CELF1: variants seen among roughly 807,000 people sequenced by gnomAD.
CELF1 encodes CUGBP Elav-like family member 1.
In CELF1, 10 loss-of-function variants were observed where a neutral mutation model predicts 61.8. That is an observed-to-expected ratio of 0.16 (90% confidence interval 0.10 to 0.27). CELF1 has a LOEUF of 0.27. Ranked by LOEUF, CELF1 falls within the 10% of genes least tolerant of loss-of-function variation. The probability of loss-of-function intolerance (pLI) is 1.00; values close to 1 mark genes in which losing one functional copy is unlikely to be tolerated. For synonymous variants in CELF1, 236 were observed against 225.1 expected (o/e 1.05, Z -0.43); for missense variants, 380 against 639.1 (o/e 0.59, Z 4.37).
chr11:47,528,898 A>G (rs958830406), intron 1 of CELF1, among the ~76,000 whole-genome samples: 10 of 151,624 alleles, frequency 6.6e-5, no homozygotes, highest in African/African-American at 1.9e-4. Context: ...CTCAAAAAAA[A>G]AAAGAAAGGT....
chr11:47,501,131 C>T (rs904076298), intron 1 of CELF1, among the ~76,000 whole-genome samples, 199 bp from the exon 2 acceptor site: 10 of 152,242 alleles, frequency 6.6e-5, no homozygotes, highest in Non-Finnish European at 1.2e-4. Context: ...AAATCTAGAA[C>T]TGTACTGTAA....
chr11:47,494,398 C>G (rs1345025580), intron 3 of CELF1: 1 of 984,344 alleles, frequency 1.0e-6, no homozygotes, highest in Non-Finnish European at 1.2e-6. Flanking sequence ...TATGAAAATT[C>G]AGGACAAGAG....
At chr11:47,483,317 TG>T in intron 8 of CELF1, 135 bp downstream of exon 8, 1 of 693,420 alleles carries the variant, frequency 1.4e-6, no homozygotes, top group Middle Eastern at 3.8e-4. Context: ...AAGAAATCAG[TG>T]GTTTTTAACT....
intron 1 of CELF1, among the ~76,000 whole-genome samples, chr11:47,546,086 A>G (rs2096938522): frequency 6.6e-6 from 1 of 150,498 alleles, no homozygotes; most frequent in Non-Finnish European, 1.5e-5. Context: ...AATTTTTTGT[A>G]TTTTTAGTAG....
At chr11:47,501,066 T>A in intron 1 of CELF1, 134 bp from the exon 2 acceptor site, 1 of 395,472 alleles carries the variant, frequency 2.5e-6, no homozygotes. Context: ...TGTCTGCACC[T>A]GACCCAGGAA....
chr11:47,515,121 T>C (rs921747179), intron 1 of CELF1, among the ~76,000 whole-genome samples: 1 of 152,216 alleles, frequency 6.6e-6, no homozygotes, highest in Admixed American at 6.5e-5. Context: ...AATGCACAGC[T>C]TTCTCTGGGC....
In CELF1 at chr11:47,522,076, G is replaced by A. The variant is rs2095936300; in HGVS notation, c.-153-21144C>T. Among the ~76,000 whole-genome samples the A allele has an allele frequency of 1.3e-5, 2 of 151,998 alleles. 1 individual carries two copies. The highest frequency in any genetic ancestry group is 4.1e-4 in the South Asian group (2 of 4,822). On this transcript the variant is annotated intron_variant, in intron 1 of 14. Transcript: ENST00000687097. Reference sequence around the variant, plus strand: ...CTGGCATGTGCCACCAAGCCTGGCTGATTTTTTTGTATTTTTAGTAGACAC... The same window carrying A: ...CTGGCATGTGCCACCAAGCCTGGCTAATTTTTTTGTATTTTTAGTAGACAC...
intron 1 of CELF1, among the ~76,000 whole-genome samples, chr11:47,520,896 C>T (rs1309861241): frequency 6.6e-6 from 1 of 152,156 alleles, no homozygotes; most frequent in Non-Finnish European, 1.5e-5. Context: ...TGGAGATAAA[C>T]TAGTAATTTT....
chr11:47,551,480 A>C (rs1260412070), intron 1 of CELF1, among the ~76,000 whole-genome samples: 1 of 152,224 alleles, frequency 6.6e-6, no homozygotes, highest in Admixed American at 6.5e-5. Flanking sequence ...GAAGAAAATC[A>C]CTGTAGCAAC....
rs997818513 is a variant in CELF1 at position 47,470,611 on chromosome 11, A to G, written c.*1619T>C. 6.6e-6 allele frequency: 1 copy of G among 152,260 alleles called. No homozygotes were observed. The highest frequency in any genetic ancestry group is 2.4e-5 in the African/African-American group (1 of 41,456). 9.4% of individuals were successfully genotyped at this position (152,260 alleles called of 1,614,324 possible). Reference sequence around the variant, plus strand: ...CTGTTACCCACAGGGACAGCATGACAAGGAGAGAGCCCCCATCTGACTTAA... The same window carrying G: ...CTGTTACCCACAGGGACAGCATGACGAGGAGAGAGCCCCCATCTGACTTAA... On this transcript the variant is annotated 3_prime_UTR_variant, in exon 15 of 15. Coordinates refer to ENST00000687097, the MANE Select transcript of CELF1 (RefSeq NM_001376376.1).
rs770272288 is a variant in CELF1, at chr11:47,468,440, G to C, written c.*3790C>G. 1 of 152,596 alleles carries C rather than the reference G, an allele frequency of 6.6e-6. No homozygotes were observed. The highest frequency in any genetic ancestry group is 2.1e-4 in the South Asian group (1 of 4,826). 9.5% of individuals were successfully genotyped at this position (152,596 alleles called of 1,614,324 possible). ...TTATTTCATTGTTTACTTCAAAGTTGTCTTTAAAACTAAGCACACAGAGAA... is the reference window on the plus strand; with the variant it reads ...TTATTTCATTGTTTACTTCAAAGTTCTCTTTAAAACTAAGCACACAGAGAA... On this transcript the variant is annotated 3_prime_UTR_variant, in exon 15 of 15. Transcript: ENST00000687097.
chr11:47,545,572 G>A (rs891164304), intron 1 of CELF1, among the ~76,000 whole-genome samples: 3 of 152,128 alleles, frequency 2.0e-5, no homozygotes, highest in Admixed American at 6.6e-5. Flanking sequence ...AGCATTAAGA[G>A]GTTAATAACA....
intron 1 of CELF1, among the ~76,000 whole-genome samples, chr11:47,539,811 C>G (rs771180152): frequency 2.0e-5 from 3 of 152,198 alleles, no homozygotes; most frequent in Non-Finnish European, 2.9e-5. Flanking sequence ...CATTTCTCAT[C>G]TATGCTTCTT....
chr11:47,565,285 A>C (rs1296006162), exon 1 of CELF1: 1 of 164,870 alleles, frequency 6.1e-6, no homozygotes, highest in African/African-American at 2.4e-5. Context: ...TGGGGTCACA[A>C]CCCCCCTCCC....
At chr11:47,518,652 C>T (rs907530825) in intron 1 of CELF1, among the ~76,000 whole-genome samples, 1 of 152,196 alleles carries the variant, frequency 6.6e-6, no homozygotes, top group African/African-American at 2.4e-5. Flanking sequence ...CAATTGCAAG[C>T]TTTATCATTC....
intron 1 of CELF1, among the ~76,000 whole-genome samples, chr11:47,506,059 T>C (rs2094468675): frequency 6.6e-6 from 1 of 151,214 alleles, no homozygotes; most frequent in South Asian, 2.1e-4. Context: ...TTAGGCTTCC[T>C]TGTGCCACAC....
chr11:47,541,434 T>A (rs2096770397), intron 1 of CELF1, among the ~76,000 whole-genome samples: 1 of 152,062 alleles, frequency 6.6e-6, no homozygotes, highest in South Asian at 2.1e-4. Flanking sequence ...CTCACACTTG[T>A]AATCCCAGCA....
At chr11:47,549,347 A>G (rs1598600850) in intron 1 of CELF1, among the ~76,000 whole-genome samples, 1 of 152,250 alleles carries the variant, frequency 6.6e-6, no homozygotes, top group East Asian at 1.9e-4. Flanking sequence ...ATATTGTTCC[A>G]GAGGCTGGAA....
At chr11:47,495,332 C>T (rs779100105) in intron 3 of CELF1, among the ~76,000 whole-genome samples, 4 of 152,116 alleles carry the variant, frequency 2.6e-5, no homozygotes, top group Non-Finnish European at 5.9e-5. Context: ...ATGCCCAGAA[C>T]AGGCAAATCT....
Sources: allele counts gnomAD v4.1 joint callset (sites outside exome capture counted in the v4.1 genomes callset), GRCh38; gene constraint gnomAD v4.1.1; transcripts MANE v1.5; gene names NCBI Gene and HGNC (gene_info 2026-07-23, HGNC 2026-07-21).